INTU: variants seen among roughly 807,000 people sequenced by gnomAD.
The protein encoded by INTU is protein inturned.
Under a neutral mutation model 100.5 loss-of-function variants are expected in INTU, and 68 were observed. The ratio of observed to expected loss-of-function variants is 0.68; its 90% CI spans 0.56 to 0.83. The LOEUF is 0.83. Ranked by LOEUF, INTU falls within the 40% of genes least tolerant of loss-of-function variation. INTU has a pLI of 0.00. For synonymous variants in INTU, 357 were observed against 395.7 expected (o/e 0.90, Z 1.16); for missense variants, 1,071 against 1,114.7 (o/e 0.96, Z 0.56).
rs926475368 is a variant in INTU at position 127,643,579 on chromosome 4, G to C, written c.205G>C (p.Glu69Gln). The change falls in exon 2 of 16, where the codon GAA becomes CAA. Residue 69 changes from glutamate to glutamine, a missense_variant. By Grantham distance (29) the Glu-to-Gln change is conservative (BLOSUM62 2). Coordinates refer to ENST00000335251, the MANE Select transcript of INTU (RefSeq NM_015693.4). ...VQKNGELFYL[E>Q]LSEDEEESLL... The stretch of plus-strand genomic sequence containing the variant: ...GAAAAATGGAGAGCTGTTTTATTTG[G>C]AATTGAGTGAGGATGAAGAAGAAAG... 1.9e-6 allele frequency: 3 copies of C among 1,611,944 alleles called. No homozygotes were observed. The highest frequency in any genetic ancestry group is 2.5e-6 in the Non-Finnish European group (3 of 1,179,502).
At chr4:127,706,452 A>G in intron 11 of INTU, 35 bp from the exon 12 acceptor site, 1 of 1,537,092 alleles carries the variant, frequency 6.5e-7, no homozygotes, top group Non-Finnish European at 8.9e-7. Flanking sequence ...TTTTCATGGT[A>G]GCTAAACCTA....
intron 2 of INTU, among the ~76,000 whole-genome samples, chr4:127,651,840 C>T (rs1727897037): frequency 6.6e-6 from 1 of 151,580 alleles, no homozygotes; most frequent in Non-Finnish European, 1.5e-5. Context: ...ATTGATTCTT[C>T]CTACACATGA....
rs1423080441 is a variant in INTU, at chr4:127,716,336, T to A, written c.2729T>A (p.Leu910His). ...CTTTTCTTCTGCAGGAGACTTTTTC[T>A]TCATCCAAAACCTCAAGAACTTTAT... ...MAYWVVGRLF[L>H]HPKPQELYVC... Residue 910 changes from leucine (L) to histidine (H), a missense_variant, in exon 16 of 16, where the codon CTT becomes CAT. By Grantham distance (99) the Leu-to-His change is moderately conservative. Transcript: ENST00000335251. The A allele has an allele frequency of 3.8e-5, 59 of 1,550,114 alleles. No individual in the cohort carries two copies. The highest frequency in any genetic ancestry group is 4.9e-5 in the Non-Finnish European group (56 of 1,145,140).
Position 127,718,931 on chromosome 4 carries a change from C to G in INTU, c.*2495C>G, listed in dbSNP as rs1731307370. On this transcript the variant is annotated 3_prime_UTR_variant, in exon 16 of 16. Coordinates refer to ENST00000335251, the MANE Select transcript of INTU (RefSeq NM_015693.4). ...GATATAGGATAATGTCCTCTGCAAACAAAGACATTTTGACTTCCTCTCTTC... is the reference window on the plus strand; with the variant it reads ...GATATAGGATAATGTCCTCTGCAAAGAAAGACATTTTGACTTCCTCTCTTC... 6.6e-6 allele frequency: 1 copy of G among 152,152 alleles called. No individual in the cohort carries two copies. Among genetic ancestry groups the G allele is most frequent in the South Asian group, 2.1e-4 (1 of 4,820 alleles). The allele number at this position is 152,152 out of a possible 1,614,324, so 9.4% of individuals were successfully genotyped here. A position where few individuals can be genotyped will look rare whatever the true frequency, so the allele number is the denominator to read the frequency against.
At chr4:127,707,746 G>A (rs1730948224) in intron 12 of INTU, among the ~76,000 whole-genome samples, 2 of 152,316 alleles carry the variant, frequency 1.3e-5, no homozygotes, top group Admixed American at 6.5e-5. Flanking sequence ...TGACTCTAAA[G>A]AGGATGTTCA....
chr4:127,678,298 G>C (rs1431826983), intron 6 of INTU, among the ~76,000 whole-genome samples: 1 of 152,078 alleles, frequency 6.6e-6, no homozygotes, highest in Non-Finnish European at 1.5e-5. Context: ...ACACATAATT[G>C]TCAGATTCAC....
At position 127,725,720 on chromosome 4, in the gene INTU, T is replaced by C. The variant is rs545227633; in HGVS notation, c.*9284T>C. 1 of 152,230 alleles carries C rather than the reference T, an allele frequency of 6.6e-6. No homozygotes were observed. Among genetic ancestry groups the C allele is most frequent in the Non-Finnish European group, 1.5e-5 (1 of 68,038 alleles). The allele number at this position is 152,230 out of a possible 1,614,324, so 9.4% of individuals were successfully genotyped here. On this transcript the variant is annotated 3_prime_UTR_variant, in exon 16 of 16. Transcript: ENST00000335251. ...TCTTAATAAAAGGAAAATTATTTGCTGTATCGTAGATGTGCACTGTAATTT... is the reference window on the plus strand; with the variant it reads ...TCTTAATAAAAGGAAAATTATTTGCCGTATCGTAGATGTGCACTGTAATTT...
In INTU at chr4:127,710,061, T is replaced by G. The variant is rs992548270; in HGVS notation, c.2370-852T>G. Among the ~76,000 whole-genome samples the G allele has an allele frequency of 3.3e-5, 5 of 152,274 alleles. No individual in the cohort carries two copies. In the South Asian group the frequency reaches 1.0e-3, roughly 32 times the overall value. ...TAACAAAAACTATTGCTCTGAAATTTTATTAACTCCATATCAGAATTTTAA... is the reference window on the plus strand; with the variant it reads ...TAACAAAAACTATTGCTCTGAAATTGTATTAACTCCATATCAGAATTTTAA... On this transcript the variant is annotated intron_variant, in intron 13 of 15. Coordinates refer to ENST00000335251, the MANE Select transcript of INTU (RefSeq NM_015693.4).
At position 127,643,691 on chromosome 4, in the gene INTU, A is replaced by G; in HGVS notation, c.317A>G (p.Lys106Arg). ...IIEDDYKERK[K>R]YEPKLKQFTK... ...GAAGATGACTACAAAGAAAGAAAAA[A>G]GTATGAACCCAAACTCAAGCAGTTT... Residue 106 changes from lysine to arginine, a missense_variant, in exon 2 of 16, where the codon AAG becomes AGG. Physicochemically the swap from Lys to Arg is conservative, Grantham distance 26 (BLOSUM62 2). Transcript: ENST00000335251. 6.2e-7 allele frequency: 1 copy of G among 1,612,488 alleles called. No homozygotes were observed. Among genetic ancestry groups the G allele is most frequent in the African/African-American group, 1.3e-5 (1 of 74,802 alleles).
chr4:127,673,098 A>G (rs548634562), intron 5 of INTU, among the ~76,000 whole-genome samples: 2 of 152,218 alleles, frequency 1.3e-5, no homozygotes, highest in Non-Finnish European at 2.9e-5. Flanking sequence ...CTGGGACTAC[A>G]TCTTCCTTTC....
Position 127,726,369 on chromosome 4 carries a change from A to T in INTU, c.*9933A>T, listed in dbSNP as rs1731416526. On this transcript the variant is annotated 3_prime_UTR_variant, in exon 16 of 16. Coordinates refer to ENST00000335251, the MANE Select transcript of INTU (RefSeq NM_015693.4). ...TGCTTTGGACATAATTGTATGTGTT[A>T]ATTCTCTCTAAACAGTGCCTGGCAC... 6.6e-6 allele frequency: 1 copy of T among 152,194 alleles called. No homozygotes were observed. Among genetic ancestry groups the T allele is most frequent in the South Asian group, 2.1e-4 (1 of 4,834 alleles). 9.4% of individuals were successfully genotyped at this position (152,194 alleles called of 1,614,324 possible).
In INTU at chr4:127,655,279, G is replaced by A. The variant is rs747236565; in HGVS notation, c.683-1357G>A. ...CGTTGCTGGTGAGGAACTGCGTTCC[G>A]TTGGAGGAGGAGAGGTGCTCTGCGT... is the stretch of plus-strand genomic sequence containing the variant. On this transcript the variant is annotated intron_variant, in intron 2 of 15. Transcript: ENST00000335251. 6.9e-4 allele frequency among the ~76,000 whole-genome samples: 105 copies of A among 152,314 alleles called. 1 individual carries two copies. The highest frequency in any genetic ancestry group is 1.2e-3 in the Admixed American group (18 of 15,306).
At chr4:127,701,248 A>C (rs570012513) in intron 9 of INTU, among the ~76,000 whole-genome samples, 2 of 152,192 alleles carry the variant, frequency 1.3e-5, no homozygotes, top group African/African-American at 4.8e-5. Context: ...CAAATACTGC[A>C]GGACACTTTC....
At chr4:127,650,045 A>T (rs1036596186) in intron 2 of INTU, among the ~76,000 whole-genome samples, 4 of 152,178 alleles carry the variant, frequency 2.6e-5, no homozygotes, top group Non-Finnish European at 1.5e-5. Context: ...TACACGGAAA[A>T]GGAAATTTTT....
At chr4:127,670,767 A>G (rs957091362) in intron 5 of INTU, among the ~76,000 whole-genome samples, 1 of 152,104 alleles carries the variant, frequency 6.6e-6, no homozygotes, top group Non-Finnish European at 1.5e-5. Context: ...AAAAATAGAC[A>G]TAGATCAATG....
In INTU at chr4:127,716,437, C is replaced by T. The variant is rs750856726; in HGVS notation, c.*1C>T. The T allele has an allele frequency of 1.3e-6, 2 of 1,486,634 alleles. No homozygotes were observed. Among genetic ancestry groups the T allele is most frequent in the Non-Finnish European group, 1.8e-6 (2 of 1,087,352 alleles). The allele number at this position is 1,486,634 out of a possible 1,614,324, so 92.1% of individuals were successfully genotyped here. On this transcript the variant is annotated 3_prime_UTR_variant, in exon 16 of 16. Coordinates refer to ENST00000335251, the MANE Select transcript of INTU (RefSeq NM_015693.4). ...ATTGTTCTTTGGGTTAACCTTGTAG[C>T]TGTGCTTTCTTGATGCGTAGAAACA...
chr4:127,684,504 T>C lies in INTU; in HGVS notation c.1259+18T>C, dbSNP rs1232825919. On this transcript the variant is annotated intron_variant, in intron 7 of 15. Coordinates refer to ENST00000335251, the MANE Select transcript of INTU (RefSeq NM_015693.4). Reference sequence around the variant, plus strand: ...TTAGATAGGTAAGTACTTCTTCAAATTGAATCTCAAGTTTTAATTATGTGA... The same window carrying C: ...TTAGATAGGTAAGTACTTCTTCAAACTGAATCTCAAGTTTTAATTATGTGA... The C allele has an allele frequency of 2.2e-6, 3 of 1,333,954 alleles. No homozygotes were observed. Among genetic ancestry groups the C allele is most frequent in the Non-Finnish European group, 3.2e-6 (3 of 947,952 alleles). 82.6% of individuals were successfully genotyped at this position (1,333,954 alleles called of 1,614,324 possible).
At chr4:127,666,570 A>G (rs1728707384) in intron 4 of INTU, among the ~76,000 whole-genome samples, 1 of 152,160 alleles carries the variant, frequency 6.6e-6, no homozygotes, top group Admixed American at 6.6e-5. Context: ...CGTGGGAATC[A>G]GCCCTCAGGA....
At chr4:127,678,988 G>A (rs953641796) in intron 6 of INTU, among the ~76,000 whole-genome samples, 19 of 151,962 alleles carry the variant, frequency 1.3e-4, no homozygotes, top group Middle Eastern at 3.4e-3. Flanking sequence ...AACCAACAAA[G>A]ATCAAAAGAG....
Sources: allele counts gnomAD v4.1 joint callset (sites outside exome capture counted in the v4.1 genomes callset), GRCh38; gene constraint gnomAD v4.1.1; transcripts MANE v1.5; gene names NCBI Gene and HGNC (gene_info 2026-07-23, HGNC 2026-07-21).